Variants in GRM5 observed in about 807,000 individuals in gnomAD.
GRM5 encodes the protein glutamate metabotropic receptor 5, also known as metabotropic glutamate receptor 5.
In GRM5, 19 loss-of-function variants were observed where a neutral mutation model predicts 83.1. That is an observed-to-expected ratio of 0.23 (90% CI 0.16 to 0.34). GRM5 has a LOEUF of 0.34. Among genes scored for constraint, GRM5 ranks in the 10% least tolerant of loss-of-function variants. The pLI, the probability that GRM5 is intolerant of heterozygous loss-of-function variation, is 1.00. For synonymous variants in GRM5, 675 were observed against 633.6 expected (o/e 1.07, Z -0.98); for missense variants, 1,160 against 1,588.3 (o/e 0.73, Z 4.58).
intron 9 of GRM5, among the ~76,000 whole-genome samples, chr11:88,514,478 A>C (rs556025028): frequency 6.6e-6 from 1 of 152,142 alleles, no homozygotes; most frequent in Non-Finnish European, 1.5e-5. Context: ...CCTCTGCTCA[A>C]ACCTGCAGAT....
At chr11:88,858,874 T>C (rs1426446415) in intron 2 of GRM5, among the ~76,000 whole-genome samples, 3 of 152,042 alleles carry the variant, frequency 2.0e-5, no homozygotes, top group Non-Finnish European at 4.4e-5. Context: ...ATTGGAACTA[T>C]TTGGGAGTCC....
At chr11:88,585,218 C>T (rs1019585622) in intron 7 of GRM5, among the ~76,000 whole-genome samples, 3 of 152,204 alleles carry the variant, frequency 2.0e-5, no homozygotes, top group African/African-American at 7.2e-5. Flanking sequence ...GGTTTAACTG[C>T]TTCTTCAGGT....
intron 2 of GRM5, among the ~76,000 whole-genome samples, chr11:88,896,203 T>C (rs316094): frequency 0.97 from 146,847 of 151,898 alleles, 71,017 homozygotes; most frequent in East Asian, 0.99. Context: ...CAAATCTAAG[T>C]TTGCCTGTTT....
chr11:88,638,015 T>A (rs1939184192), intron 4 of GRM5, among the ~76,000 whole-genome samples: 1 of 151,746 alleles, frequency 6.6e-6, no homozygotes, highest in Non-Finnish European at 1.5e-5. Context: ...GGGACATGGA[T>A]GAAATTGGAA....
chr11:88,707,093 T>C (rs1252244659), intron 3 of GRM5, among the ~76,000 whole-genome samples: 2 of 152,048 alleles, frequency 1.3e-5, no homozygotes, highest in Non-Finnish European at 2.9e-5. Flanking sequence ...TTGTGGATGA[T>C]CAGATTGATC....
At chr11:88,542,932 G>A (rs975926989) in intron 8 of GRM5, among the ~76,000 whole-genome samples, 2 of 152,134 alleles carry the variant, frequency 1.3e-5, no homozygotes, top group Non-Finnish European at 2.9e-5. Context: ...GCTAGGTATG[G>A]TGGCACATAC....
At chr11:88,551,375 T>G (rs189550356) in intron 8 of GRM5, among the ~76,000 whole-genome samples, 1 of 152,318 alleles carries the variant, frequency 6.6e-6, no homozygotes, top group East Asian at 1.9e-4. Context: ...ATTCTTGGTC[T>G]CTTTTCTCAT....
chr11:88,884,750 C>A (rs1257149152), intron 2 of GRM5, among the ~76,000 whole-genome samples: 1 of 152,086 alleles, frequency 6.6e-6, no homozygotes, highest in African/African-American at 2.4e-5. Flanking sequence ...CTTATGAGAG[C>A]TGATGGTTTT....
intron 2 of GRM5, among the ~76,000 whole-genome samples, chr11:88,883,958 G>A (rs992231157): frequency 7.9e-5 from 12 of 152,104 alleles, no homozygotes; most frequent in African/African-American, 2.7e-4. Flanking sequence ...ATGGGGTCAG[G>A]GCCCTCATGG....
At chr11:88,519,624 A>G (rs575469640) in intron 9 of GRM5, among the ~76,000 whole-genome samples, 9 of 152,278 alleles carry the variant, frequency 5.9e-5, no homozygotes, top group African/African-American at 1.9e-4. Flanking sequence ...AACATGGGAG[A>G]ACATGAATTT....
In GRM5 at chr11:88,614,251, C is replaced by T. The variant is rs72955030; in HGVS notation, c.1148-9287G>A. Among the ~76,000 whole-genome samples, 763 of 152,242 alleles carry T rather than the reference C, an allele frequency of 5.0e-3. 6 individuals carry two copies. Among genetic ancestry groups the T allele is most frequent in the Non-Finnish European group, 7.7e-3 (522 of 68,006 alleles). ...TGGACAGGTTACTTCAATTACTTAA[C>T]ATTCAGTTTAATCATCTGCTAAATG... is the stretch of plus-strand genomic sequence containing the variant. On this transcript the variant is annotated intron_variant, in intron 4 of 9. Coordinates refer to ENST00000305447, the MANE Select transcript of GRM5 (RefSeq NM_001143831.3).
chr11:88,591,273 A>T (rs1937634681), intron 6 of GRM5, among the ~76,000 whole-genome samples: 2 of 152,176 alleles, frequency 1.3e-5, no homozygotes, highest in Non-Finnish European at 2.9e-5. Context: ...TGATCTCTTG[A>T]TCTCTTTCTA....
rs561034468 is a variant in GRM5, at chr11:88,886,265, C to G, written c.662-36110G>C. Among the ~76,000 whole-genome samples, 4 of 152,270 alleles carry G rather than the reference C, an allele frequency of 2.6e-5. No homozygotes were observed. The East Asian group carries it at 7.7e-4, about 29-fold the overall frequency. ...CCTAAATTTTCCTGGTGCGTGATGACAAACCCTGGGTTTACACCCCAGACA... is the reference window on the plus strand; with the variant it reads ...CCTAAATTTTCCTGGTGCGTGATGAGAAACCCTGGGTTTACACCCCAGACA... On this transcript the variant is annotated intron_variant, in intron 2 of 9. Transcript: ENST00000305447.
At chr11:88,618,747 TC>T (rs1938553401) in intron 4 of GRM5, among the ~76,000 whole-genome samples, 1 of 152,216 alleles carries the variant, frequency 6.6e-6, no homozygotes, top group Non-Finnish European at 1.5e-5. Context: ...AAAGTTCTTT[TC>T]TTATCCAGTA....
chr11:88,605,981 A>G (rs879318313), intron 4 of GRM5, among the ~76,000 whole-genome samples: 3 of 152,238 alleles, frequency 2.0e-5, no homozygotes, highest in Non-Finnish European at 4.4e-5. Context: ...TTTGATAAGT[A>G]CTGAGACAGG....
At chr11:88,706,029 C>A (rs1941149170) in intron 3 of GRM5, among the ~76,000 whole-genome samples, 1 of 151,996 alleles carries the variant, frequency 6.6e-6, no homozygotes, top group African/African-American at 2.4e-5. Flanking sequence ...CTAAGACTCA[C>A]AGAGATTCAC....
At chr11:88,706,534 G>A (rs946976058) in intron 3 of GRM5, among the ~76,000 whole-genome samples, 10 of 152,126 alleles carry the variant, frequency 6.6e-5, no homozygotes, top group South Asian at 4.2e-4. Flanking sequence ...GTAATATTGC[G>A]ATACAATTTA....
chr11:88,955,192 AAGG>A (rs1207170117), intron 2 of GRM5, among the ~76,000 whole-genome samples: 1 of 152,240 alleles, frequency 6.6e-6, no homozygotes, highest in African/African-American at 2.4e-5. Context: ...ACAGAACCAG[AAGG>A]AGTTTACTGT....
chr11:88,850,185 T>C (rs1426052497), intron 2 of GRM5, 30 bp from the exon 3 acceptor site: 4 of 965,340 alleles, frequency 4.1e-6, no homozygotes, highest in South Asian at 1.3e-5. Context: ...AGCAGAGGGA[T>C]AGTGAAATGA....
Sources: allele counts gnomAD v4.1 joint callset (sites outside exome capture counted in the v4.1 genomes callset), GRCh38; gene constraint gnomAD v4.1.1; transcripts MANE v1.5; gene names NCBI Gene and HGNC (gene_info 2026-07-23, HGNC 2026-07-21).